The following PEX19 variants were observed in gnomAD, a reference collection of about 807,000 sequenced individuals.
The protein encoded by PEX19 is 33 kDa housekeeping protein.
PEX19 carries 29 observed loss-of-function variants against 36.3 expected under a neutral mutation model. The ratio of observed to expected loss-of-function variants is 0.80; its 90% CI spans 0.60 to 1.09. The LOEUF (loss-of-function observed/expected upper bound fraction) is 1.09, where lower values mean the gene tolerates loss of function less well. Ranked by LOEUF, PEX19 falls within the 50% of genes least tolerant of loss-of-function variation. The pLI is 0.00. For synonymous variants in PEX19, 141 were observed against 135.2 expected (o/e 1.04, Z -0.30); for missense variants, 396 against 368.1 (o/e 1.08, Z -0.62).
chr1:160,282,565 G>C, intron 3 of PEX19, 63 bp from the exon 4 acceptor site: 2 of 1,250,738 alleles, frequency 1.6e-6, no homozygotes, highest in Non-Finnish European at 2.4e-6. Context: ...GACTGAACTG[G>C]TTAACAGCTT....
At chr1:160,282,241 C>G (rs1657802275) in intron 4 of PEX19, 41 bp from the exon 5 acceptor site, 1 of 1,603,218 alleles carries the variant, frequency 6.2e-7, no homozygotes, top group Non-Finnish European at 8.5e-7. Context: ...ATACTACCTT[C>G]TTGGGATGCT....
chr1:160,282,372 G>C, intron 4 of PEX19, 45 bp downstream of exon 4: 1 of 1,489,076 alleles, frequency 6.7e-7, no homozygotes, highest in Non-Finnish European at 9.4e-7. Flanking sequence ...CTGGAGAAAT[G>C]TCTGGGAGTG....
chr1:160,284,702 T>C (rs1417973037), intron 1 of PEX19, among the ~76,000 whole-genome samples: 1 of 152,174 alleles, frequency 6.6e-6, no homozygotes, highest in Non-Finnish European at 1.5e-5. Flanking sequence ...GAGTGCGTAG[T>C]TCGCTACCCA....
rs1232898484 is a variant in PEX19, at chr1:160,279,137, T to G, written c.*414A>C. On this transcript the variant is annotated 3_prime_UTR_variant, in exon 8 of 8. Transcript: ENST00000368072. ...CCAGGAGAACTATAGAAATACAGAGTCCCAGGTCTCTGCCCCTCCTCCCCA... is the reference window on the plus strand; with the variant it reads ...CCAGGAGAACTATAGAAATACAGAGGCCCAGGTCTCTGCCCCTCCTCCCCA... 1 of 452,492 alleles carries G rather than the reference T, an allele frequency of 2.2e-6. No individual in the cohort carries two copies. The highest frequency in any genetic ancestry group is 2.4e-5 in the Admixed American group (1 of 42,186). The allele number at this position is 452,492 out of a possible 1,614,324, so 28.0% of individuals were successfully genotyped here.
In PEX19 at chr1:160,279,489, T is replaced by C. The variant is rs1232048993; in HGVS notation, c.*62A>G. On this transcript the variant is annotated 3_prime_UTR_variant, in exon 8 of 8. Transcript: ENST00000368072. ...GTGACACTCCTGCCTCAGGTCCCAA[T>C]GGTTCTGCTGACTCCAGATGTTCCC... is the stretch of plus-strand genomic sequence containing the variant. The C allele has an allele frequency of 1.5e-6, 2 of 1,353,690 alleles. No homozygotes were observed. Among genetic ancestry groups the C allele is most frequent in the Non-Finnish European group, 2.1e-6 (2 of 943,876 alleles). 83.9% of individuals were successfully genotyped at this position (1,353,690 alleles called of 1,614,324 possible). A position where few individuals can be genotyped will look rare whatever the true frequency, so the allele number is the denominator to read the frequency against.
chr1:160,282,043 T>C lies in PEX19; in HGVS notation c.590A>G (p.Glu197Gly). ...CAGAAATGGAAGTTCACAAACCTTT[T>C]CTGTGATCTCCTTCAGTGATGGGTA... ...VLYPSLKEIT[E>G]KYPEWLQSHR... is the part of the protein sequence containing the mutation. Residue 197 changes from glutamate to glycine, a missense_variant, in exon 5 of 8, where the codon GAA (glutamate) becomes GGA (glycine). By Grantham distance (98) the Glu-to-Gly change is moderately conservative. Coordinates refer to ENST00000368072, the MANE Select transcript of PEX19 (RefSeq NM_002857.4). 1 of 1,613,980 alleles carries C rather than the reference T, an allele frequency of 6.2e-7. No individual in the cohort carries two copies. Among genetic ancestry groups the C allele is most frequent in the Non-Finnish European group, 8.5e-7 (1 of 1,179,832 alleles).
At position 160,278,350 on chromosome 1, in the gene PEX19, A is replaced by G. The variant is rs1399151015; in HGVS notation, c.*1201T>C. The G allele has an allele frequency of 5.8e-6, 4 of 686,896 alleles. No homozygotes were observed. In the South Asian group the frequency reaches 6.0e-5, roughly 10 times the overall value. 42.6% of individuals were successfully genotyped at this position (686,896 alleles called of 1,614,324 possible). ...GCCATCCAGTCTCCTTTGCCAACTG[A>G]GGTGCAGACTGAGTTGTGGAAGGTG... is the stretch of plus-strand genomic sequence containing the variant. On this transcript the variant is annotated 3_prime_UTR_variant, in exon 8 of 8. Transcript: ENST00000368072.
chr1:160,278,358 A>G lies in PEX19; in HGVS notation c.*1193T>C. 1.5e-6 allele frequency: 1 copy of G among 685,314 alleles called. No homozygotes were observed. The highest frequency in any genetic ancestry group is 2.7e-6 in the Non-Finnish European group (1 of 376,042). The allele number at this position is 685,314 out of a possible 1,614,324, so 42.5% of individuals were successfully genotyped here. A position where few individuals can be genotyped will look rare whatever the true frequency, so the allele number is the denominator to read the frequency against. On this transcript the variant is annotated 3_prime_UTR_variant, in exon 8 of 8. Transcript: ENST00000368072. ...GTCTCCTTTGCCAACTGAGGTGCAGACTGAGTTGTGGAAGGTGGGTGTTGA... is the reference window on the plus strand; with the variant it reads ...GTCTCCTTTGCCAACTGAGGTGCAGGCTGAGTTGTGGAAGGTGGGTGTTGA...
intron 1 of PEX19, chr1:160,284,258 G>A (rs1364486872): frequency 8.8e-6 from 4 of 454,500 alleles, no homozygotes; most frequent in Admixed American, 2.5e-5. Context: ...ACAGTCACTT[G>A]GCACTCCTCA....
At chr1:160,282,005 T>G (rs1657789192) in intron 5 of PEX19, 34 bp downstream of exon 5, 1 of 1,592,450 alleles carries the variant, frequency 6.3e-7, no homozygotes, top group South Asian at 1.1e-5. Flanking sequence ...TGATGGAAAA[T>G]GAAGAGAAAA....
At position 160,276,831 on chromosome 1, in the gene PEX19, TAATTC is replaced by T. The variant is rs1189886645; in HGVS notation, c.*2715_*2719del. The T allele has an allele frequency of 2.6e-6, 1 of 388,798 alleles. No individual in the cohort carries two copies. Among genetic ancestry groups the T allele is most frequent in the African/African-American group, 2.1e-5 (1 of 47,582 alleles). The allele number at this position is 388,798 out of a possible 1,614,324, so 24.1% of individuals were successfully genotyped here. The stretch of plus-strand genomic sequence containing the variant: ...GTCCCAATTATCAAAAAGTCTGTAT[TAATTC>T]AATTCTTAATTCATGAAGCCACCCA... On this transcript the variant is annotated 3_prime_UTR_variant, in exon 8 of 8. Transcript: ENST00000368072.
chr1:160,280,493 G>T (rs893672404), intron 5 of PEX19, among the ~76,000 whole-genome samples: 1 of 151,930 alleles, frequency 6.6e-6, no homozygotes, highest in African/African-American at 2.4e-5. Flanking sequence ...GGCTTCAAGG[G>T]CCACATATGG....
Position 160,277,212 on chromosome 1 carries a change from TCACC to T in PEX19, c.*2335_*2338del. 1 of 455,924 alleles carries T rather than the reference TCACC, an allele frequency of 2.2e-6. No homozygotes were observed. The highest frequency in any genetic ancestry group is 2.0e-5 in the African/African-American group (1 of 50,170). The allele number at this position is 455,924 out of a possible 1,614,324, so 28.2% of individuals were successfully genotyped here. A position where few individuals can be genotyped will look rare whatever the true frequency, so the allele number is the denominator to read the frequency against. ...GTCAGTGAACACCTTTTTTTTTTTT[TCACC>T]AGTCTGTGACATGGTGAATTAGAAA... On this transcript the variant is annotated 3_prime_UTR_variant, in exon 8 of 8. Coordinates refer to ENST00000368072, the MANE Select transcript of PEX19 (RefSeq NM_002857.4).
chr1:160,284,319 G>C (rs1186838953), intron 1 of PEX19: 19 of 397,158 alleles, frequency 4.8e-5, no homozygotes, highest in Admixed American at 9.2e-5. Context: ...TTGAGCAAGC[G>C]ATTACAAATT....
rs1351664822 is a variant in PEX19 at position 160,282,086 on chromosome 1, G to A, written c.547C>T (p.Leu183Phe). ...PIMQSIMQNL[L>F]SKDVLYPSLK... is the part of the protein sequence containing the mutation. ...GATGGGTACAGCACATCCTTGGAGA[G>A]TAGGTTCTGCATAATACTCTGCATG... Residue 183 changes from leucine to phenylalanine, a missense_variant, in exon 5 of 8, where the codon CTC (leucine) becomes TTC (phenylalanine). By Grantham distance (22) the Leu-to-Phe change is conservative (BLOSUM62 0). Transcript: ENST00000368072. 7 of 1,613,996 alleles carry A rather than the reference G, an allele frequency of 4.3e-6. No homozygotes were observed. Among genetic ancestry groups the A allele is most frequent in the Middle Eastern group, 1.6e-4 (1 of 6,062 alleles).
chr1:160,282,535 G>C (rs1324618210), intron 3 of PEX19, 33 bp from the exon 4 acceptor site: 1 of 1,560,822 alleles, frequency 6.4e-7, no homozygotes, highest in Non-Finnish European at 8.8e-7. Context: ...GCGTCATTTA[G>C]GAGTTTGTTT....
chr1:160,279,205 C>T lies in PEX19; in HGVS notation c.*346G>A, dbSNP rs575737788. The stretch of plus-strand genomic sequence containing the variant: ...AGAGACAAGGCACAAAGACCCTGGA[C>T]GTAAAGGTGAACATCAGTGTGGCCA... On this transcript the variant is annotated 3_prime_UTR_variant, in exon 8 of 8. Transcript: ENST00000368072. 2 of 471,936 alleles carry T rather than the reference C, an allele frequency of 4.2e-6. No homozygotes were observed. Among genetic ancestry groups the T allele is most frequent in the South Asian group, 3.1e-5 (2 of 64,608 alleles). 29.2% of individuals were successfully genotyped at this position (471,936 alleles called of 1,614,324 possible).
intron 5 of PEX19, among the ~76,000 whole-genome samples, chr1:160,280,821 T>C (rs1337997413): frequency 6.6e-6 from 1 of 152,174 alleles, no homozygotes; most frequent in Non-Finnish European, 1.5e-5. Context: ...GCTCGGCTAT[T>C]GCACATTTTC....
At chr1:160,281,466 T>G (rs79573634) in intron 5 of PEX19, among the ~76,000 whole-genome samples, 1,836 of 152,362 alleles carry the variant, frequency 0.012, 42 homozygotes, top group African/African-American at 0.041. Flanking sequence ...CGGAGTACAG[T>G]GGCACAATCT....
Sources: gnomAD v4.1 joint callset for allele counts (sites outside exome capture counted in the v4.1 genomes callset) on GRCh38, gnomAD v4.1.1 for gene constraint, MANE v1.5 for transcripts, NCBI Gene and HGNC (gene_info 2026-07-23, HGNC 2026-07-21) for gene names.